PNPLA7: variants seen among roughly 807,000 people sequenced by gnomAD.
PNPLA7 encodes the protein patatin-like phospholipase domain-containing protein 7.
PNPLA7 carries 153 observed loss-of-function variants against 161.7 expected under a neutral mutation model. That is an observed-to-expected ratio of 0.95 (90% confidence interval 0.83 to 1.08). The LOEUF is 1.08. PNPLA7 is among the 50% of genes least tolerant of loss of function. The pLI is 0.00. For missense variants in PNPLA7, 1,739 were observed against 1,856.6 expected (o/e 0.94, Z 1.16); for synonymous variants, 809 against 782.1 (o/e 1.03, Z -0.57).
At position 137,460,267 on chromosome 9, in the gene PNPLA7, TGGGGCCCC is replaced by T. The variant is rs560798628; in HGVS notation, c.*118_*125del. The T allele has an allele frequency of 6.0e-4, 574 of 962,944 alleles. 3 individuals are homozygous for T. In the African/African-American group the frequency reaches 8.6e-3, roughly 14 times the overall value. 59.6% of individuals were successfully genotyped at this position (962,944 alleles called of 1,614,324 possible). On this transcript the variant is annotated 3_prime_UTR_variant, in exon 35 of 35. Transcript: ENST00000406427. ...AGGCCCAGAGAACCCTAACACAGCC[TGGGGCCCC>T]GGGGAAGTCAGGGCTTCCAGCAGGG...
chr9:137,461,796 C>A, intron 32 of PNPLA7, 135 bp downstream of exon 32: 1 of 1,206,770 alleles, frequency 8.3e-7, no homozygotes, highest in Non-Finnish European at 1.1e-6. Context: ...TGTCCTGGCC[C>A]TGGAGTCTTT....
chr9:137,518,979 C>G (rs1464173599), intron 11 of PNPLA7, among the ~76,000 whole-genome samples: 3 of 142,074 alleles, frequency 2.1e-5, no homozygotes, highest in African/African-American at 7.9e-5. Context: ...CCTATCCACT[C>G]CATCCCCCAC....
intron 20 of PNPLA7, among the ~76,000 whole-genome samples, chr9:137,485,299 G>C (rs188133847): frequency 6.6e-6 from 1 of 152,058 alleles, no homozygotes. Flanking sequence ...CTGCAGGTGA[G>C]GCCTCATCGG....
chr9:137,461,151 C>G, intron 33 of PNPLA7: 1 of 327,414 alleles, frequency 3.1e-6, no homozygotes, highest in East Asian at 6.4e-5. Flanking sequence ...AAGGCCCAAG[C>G]GCAGGGCCCT....
rs1588517800 is a variant in PNPLA7 at position 137,460,224 on chromosome 9, G to A, written c.*169C>T. ...GGGCTCACAGGGCCCTGTATGCAGG[G>A]CTGCTGGTACAAAGAAGAGGCCCAG... is the stretch of plus-strand genomic sequence containing the variant. On this transcript the variant is annotated 3_prime_UTR_variant, in exon 35 of 35. Transcript: ENST00000406427. 1.3e-5 allele frequency: 8 copies of A among 614,074 alleles called. No individual in the cohort carries two copies. The East Asian group carries it at 2.3e-4, about 17-fold the overall frequency. The allele number at this position is 614,074 out of a possible 1,614,324, so 38.0% of individuals were successfully genotyped here.
Position 137,499,289 on chromosome 9 carries a change from C to G in PNPLA7, c.1758-1044G>C, listed in dbSNP as rs1377653827. Among the ~76,000 whole-genome samples the G allele has an allele frequency of 6.6e-6, 1 of 151,766 alleles. No individual in the cohort carries two copies. Among genetic ancestry groups the G allele is most frequent in the Admixed American group, 6.6e-5 (1 of 15,232 alleles). On this transcript the variant is annotated intron_variant, in intron 16 of 34. Transcript: ENST00000406427. This position sits in a 1 kb window ranked among gnomAD's most constrained non-coding sequence, Gnocchi z 5.5. ...GGACACATGTAGACACAGAGACAGA[C>G]ACACGGACACATGCAGACACATGGA...
At chr9:137,514,731 G>A (rs1588653349) in intron 12 of PNPLA7, among the ~76,000 whole-genome samples, 1 of 141,754 alleles carries the variant, frequency 7.1e-6, no homozygotes, top group African/African-American at 2.7e-5. Context: ...GCTGGGCTGT[G>A]GGTGGGTCAC....
At chr9:137,505,210 G>A (rs978707829) in intron 14 of PNPLA7, among the ~76,000 whole-genome samples, 146 of 76,674 alleles carry the variant, frequency 1.9e-3, no homozygotes, top group East Asian at 2.6e-3. Flanking sequence ...AAAAAAAAAA[G>A]CTTTCCATCA....
Position 137,537,604 on chromosome 9 carries a change from C to T in PNPLA7, c.747+3038G>A, listed in dbSNP as rs1037577908. Among the ~76,000 whole-genome samples, 2 of 152,140 alleles carry T rather than the reference C, an allele frequency of 1.3e-5. No individual in the cohort carries two copies. The highest frequency in any genetic ancestry group is 2.4e-5 in the African/African-American group (1 of 41,418). ...TGCTGGGATTACAGGCGTGAGCCAC[C>T]GTGCTCAGCCAATCACCTCCCATTT... On this transcript the variant is annotated intron_variant, in intron 8 of 34. Coordinates refer to ENST00000406427, the MANE Select transcript of PNPLA7 (RefSeq NM_001098537.3). This position sits in a 1 kb window ranked among gnomAD's most constrained non-coding sequence, Gnocchi z 4.5.
At position 137,484,698 on chromosome 9, in the gene PNPLA7, C is replaced by T; in HGVS notation, c.2236G>A (p.Asp746Asn). 2 of 1,612,128 alleles carry T rather than the reference C, an allele frequency of 1.2e-6. No individual in the cohort carries two copies. Among genetic ancestry groups the T allele is most frequent in the Non-Finnish European group, 1.7e-6 (2 of 1,179,216 alleles). The change falls in exon 21 of 35, where the codon GAC becomes AAC. Residue 746 changes from aspartate (D) to asparagine (N), a missense_variant. By Grantham distance (23) the Asp-to-Asn change is conservative. Coordinates refer to ENST00000406427, the MANE Select transcript of PNPLA7 (RefSeq NM_001098537.3). ...LGLPTEGSKWDLGNPAVNLST... is the reference protein window; with the variant it reads ...LGLPTEGSKWNLGNPAVNLST... ...AGGTTGACAGCCGGGTTCCCCAAGT[C>T]CCACTTGCTGCCCTCCGTGGGGAGC...
At chr9:137,484,472 A>G (rs946856048) in intron 21 of PNPLA7, 115 bp downstream of exon 21, 6 of 1,226,428 alleles carry the variant, frequency 4.9e-6, no homozygotes, top group Non-Finnish European at 5.4e-6. Flanking sequence ...ACTGACCCCA[A>G]CTGAGCCCTG....
At chr9:137,505,928 G>T in intron 13 of PNPLA7, 55 bp downstream of exon 13, 1 of 1,553,444 alleles carries the variant, frequency 6.4e-7, no homozygotes, top group Non-Finnish European at 8.8e-7. Context: ...GCACCAGCAA[G>T]CCACGGAGAG....
chr9:137,466,289 C>T (rs1831456857), intron 26 of PNPLA7, among the ~76,000 whole-genome samples: 1 of 152,200 alleles, frequency 6.6e-6, no homozygotes, highest in Admixed American at 6.5e-5. Flanking sequence ...TGTCATCCTG[C>T]AGCCACCTCC....
Position 137,524,807 on chromosome 9 carries a change from C to T in PNPLA7, c.748-1950G>A, listed in dbSNP as rs941149714. On this transcript the variant is annotated intron_variant, in intron 8 of 34. Coordinates refer to ENST00000406427, the MANE Select transcript of PNPLA7 (RefSeq NM_001098537.3). The surrounding 1 kb of genome is among the most constrained non-coding windows in gnomAD (Gnocchi z 4.4). The stretch of plus-strand genomic sequence containing the variant: ...GTGGAATGGGTTTCCGTGGATGCCC[C>T]GTGGAATGAGTTTCCGTGGATGCCC... Among the ~76,000 whole-genome samples, 2 of 151,428 alleles carry T rather than the reference C, an allele frequency of 1.3e-5. No individual in the cohort carries two copies. Among genetic ancestry groups the T allele is most frequent in the South Asian group, 4.2e-4 (2 of 4,774 alleles).
At chr9:137,507,368 T>C (rs1477330451) in intron 12 of PNPLA7, among the ~76,000 whole-genome samples, 1 of 152,236 alleles carries the variant, frequency 6.6e-6, no homozygotes, top group Non-Finnish European at 1.5e-5. Context: ...CCACACCTTG[T>C]ACGTCAACAA....
intron 20 of PNPLA7, chr9:137,491,414 G>C (rs1031390407): frequency 2.4e-5 from 21 of 876,424 alleles, no homozygotes; most frequent in Non-Finnish European, 2.9e-5. Context: ...TGTCAGAAGG[G>C]ATGAGGAACA....
chr9:137,548,871 C>A (rs768105923), intron 1 of PNPLA7, among the ~76,000 whole-genome samples: 1 of 152,218 alleles, frequency 6.6e-6, no homozygotes, highest in Non-Finnish European at 1.5e-5. Flanking sequence ...GGTTCAGAAG[C>A]AAATACAAGC....
intron 14 of PNPLA7, 83 bp downstream of exon 14, chr9:137,505,531 T>C (rs7037200): frequency 0.66 from 1,010,895 of 1,526,266 alleles, 336,529 homozygotes; most frequent in East Asian, 0.75. Flanking sequence ...CCTCCACACC[T>C]GGAACCACTG....
chr9:137,512,759 G>A (rs1834306506), intron 12 of PNPLA7, among the ~76,000 whole-genome samples: 3 of 151,196 alleles, frequency 2.0e-5, no homozygotes, highest in Admixed American at 1.3e-4. Flanking sequence ...GGGTAACATG[G>A]CAAGACACCC....
Sources: allele counts gnomAD v4.1 joint callset (sites outside exome capture counted in the v4.1 genomes callset), GRCh38; gene constraint gnomAD v4.1.1; non-coding constraint Gnocchi (gnomAD v3.1); transcripts MANE v1.5; gene names NCBI Gene and HGNC (gene_info 2026-07-23, HGNC 2026-07-21).